Variants in ELK3 observed in about 807,000 individuals in gnomAD.
The protein encoded by ELK3 is ETS transcription factor ELK3.
Under a neutral mutation model 28.9 loss-of-function variants are expected in ELK3, and 10 were observed. That is an observed-to-expected ratio of 0.35 (90% CI 0.21 to 0.59). The LOEUF (loss-of-function observed/expected upper bound fraction) is 0.59. ELK3 is among the 20% of genes least tolerant of loss of function. The probability of loss-of-function intolerance (pLI) is 0.82; values close to 1 mark genes in which losing one functional copy is unlikely to be tolerated. For synonymous variants in ELK3, 272 were observed against 243.5 expected (o/e 1.12, Z -1.09); for missense variants, 463 against 517.3 (o/e 0.90, Z 1.02).
At chr12:96,259,603 T>G in intron 3 of ELK3, 128 bp from the exon 4 acceptor site, 1 of 1,073,668 alleles carries the variant, frequency 9.3e-7, no homozygotes, top group Non-Finnish European at 1.3e-6. Flanking sequence ...ACGTTGCCAG[T>G]TTTCCTGAGA....
intron 1 of ELK3, among the ~76,000 whole-genome samples, chr12:96,201,601 AAGG>A (rs1951508400): frequency 6.7e-6 from 1 of 149,918 alleles, no homozygotes. Flanking sequence ...AAAAAAAAAA[AAGG>A]GATTGAAGTG....
At chr12:96,226,608 G>C (rs141859567) in intron 2 of ELK3, among the ~76,000 whole-genome samples, 1 of 149,750 alleles carries the variant, frequency 6.7e-6, no homozygotes. Context: ...ACACACATAT[G>C]CCCACATGCA....
intron 3 of ELK3, among the ~76,000 whole-genome samples, chr12:96,253,194 A>C (rs1020622026): frequency 6.6e-6 from 1 of 152,224 alleles, no homozygotes; most frequent in Non-Finnish European, 1.5e-5. Context: ...TGGGAGGTGG[A>C]GGTTGTGATG....
intron 4 of ELK3, among the ~76,000 whole-genome samples, chr12:96,266,293 T>C (rs1952028956): frequency 6.6e-6 from 1 of 152,214 alleles, no homozygotes; most frequent in Non-Finnish European, 1.5e-5. Flanking sequence ...GGAAATAAGC[T>C]AGAAAAGACA....
intron 4 of ELK3, among the ~76,000 whole-genome samples, chr12:96,260,310 A>C (rs193242516): frequency 1.3e-5 from 2 of 151,078 alleles, no homozygotes; most frequent in African/African-American, 4.9e-5. Context: ...AAATATTATT[A>C]TTTATAAAAG....
rs1416746905 is a variant in ELK3 at position 96,210,597 on chromosome 12, A to ACACCCC, written c.-2-12967_-2-12966insACCCCC. On this transcript the variant is annotated intron_variant, in intron 1 of 4. Coordinates refer to ENST00000228741, the MANE Select transcript of ELK3 (RefSeq NM_005230.4). The stretch of plus-strand genomic sequence containing the variant: ...CACACACACACACACACACACACAC[A>ACACCCC]CCCCGAGTGGGAGGTCCAGGGGCAC... Among the ~76,000 whole-genome samples the ACACCCC allele has an allele frequency of 1.4e-3, 204 of 149,060 alleles. 1 individual carries two copies. The highest frequency in any genetic ancestry group is 4.6e-3 in the African/African-American group (185 of 40,498).
intron 4 of ELK3, among the ~76,000 whole-genome samples, chr12:96,264,072 G>A (rs572215211): frequency 6.6e-6 from 1 of 152,306 alleles, no homozygotes; most frequent in African/African-American, 2.4e-5. Flanking sequence ...TGCCTCCTGG[G>A]CTCAAGCGAT....
Position 96,210,597 on chromosome 12 carries a change from A to ACCCCCCC in ELK3, c.-2-12964_-2-12963insCCCCCCC, listed in dbSNP as rs1555193042. On this transcript the variant is annotated intron_variant, in intron 1 of 4. Transcript: ENST00000228741. ...CACACACACACACACACACACACACACCCCGAGTGGGAGGTCCAGGGGCAC... is the reference window on the plus strand; with the variant it reads ...CACACACACACACACACACACACACACCCCCCCCCCCGAGTGGGAGGTCCAGGGGCAC... Among the ~76,000 whole-genome samples the ACCCCCCC allele has an allele frequency of 2.6e-3, 382 of 149,018 alleles. 2 individuals are homozygous for ACCCCCCC. Among genetic ancestry groups the ACCCCCCC allele is most frequent in the African/African-American group, 8.7e-3 (353 of 40,464 alleles).
At chr12:96,216,354 C>G (rs1376830939) in intron 1 of ELK3, among the ~76,000 whole-genome samples, 1 of 152,218 alleles carries the variant, frequency 6.6e-6, no homozygotes, top group African/African-American at 2.4e-5. Context: ...AGCATTTAAA[C>G]CAGTGTTTGT....
rs1555193042 is a variant in ELK3, at chr12:96,210,597, A to ACCCCCCCC, written c.-2-12964_-2-12963insCCCCCCCC. On this transcript the variant is annotated intron_variant, in intron 1 of 4. Transcript: ENST00000228741. ...CACACACACACACACACACACACAC[A>ACCCCCCCC]CCCCGAGTGGGAGGTCCAGGGGCAC... 1.5e-3 allele frequency among the ~76,000 whole-genome samples: 221 copies of ACCCCCCCC among 148,956 alleles called. 4 individuals are homozygous for ACCCCCCCC. The highest frequency in any genetic ancestry group is 2.0e-3 in the Non-Finnish European group (133 of 66,966).
At chr12:96,248,740 G>A (rs1336775520) in intron 3 of ELK3, among the ~76,000 whole-genome samples, 4 of 152,150 alleles carry the variant, frequency 2.6e-5, no homozygotes, top group East Asian at 3.9e-4. Flanking sequence ...AGCAGCAGCC[G>A]CGGCAGCATA....
rs1482015545 is a variant in ELK3, at chr12:96,269,616, T to C, written c.*2436T>C. 6.6e-6 allele frequency: 1 copy of C among 152,142 alleles called. No individual in the cohort carries two copies. The allele number at this position is 152,142 out of a possible 1,614,324, so 9.4% of individuals were successfully genotyped here. ...TAGCAGAGGTATTTTACTCAGAAAATAGGTTTCAAAGAACATTAATGACTT... is the reference window on the plus strand; with the variant it reads ...TAGCAGAGGTATTTTACTCAGAAAACAGGTTTCAAAGAACATTAATGACTT... On this transcript the variant is annotated 3_prime_UTR_variant, in exon 5 of 5. Transcript: ENST00000228741.
intron 4 of ELK3, 43 bp from the exon 5 acceptor site, chr12:96,267,039 T>G: frequency 6.5e-7 from 1 of 1,549,278 alleles, no homozygotes; most frequent in Non-Finnish European, 8.8e-7. Context: ...TTCTTCCCAA[T>G]GGATTTGCAA....
At chr12:96,210,191 A>G (rs1310533847) in intron 1 of ELK3, among the ~76,000 whole-genome samples, 3 of 152,192 alleles carry the variant, frequency 2.0e-5, no homozygotes, top group African/African-American at 7.2e-5. Flanking sequence ...TTAAAGCTCA[A>G]ACTGAAAGAC....
intron 2 of ELK3, among the ~76,000 whole-genome samples, chr12:96,244,432 T>C (rs975371091): frequency 6.6e-5 from 10 of 150,548 alleles, no homozygotes; most frequent in Non-Finnish European, 1.0e-4. Flanking sequence ...GTTCCAAACC[T>C]ATAAGAAAAT....
rs183394762 is a variant in ELK3, at chr12:96,227,142, G to A, written c.207+3369G>A. 3.0e-3 allele frequency among the ~76,000 whole-genome samples: 458 copies of A among 152,150 alleles called. 1 individual carries two copies. The highest frequency in any genetic ancestry group is 0.011 in the African/African-American group (446 of 41,514). On this transcript the variant is annotated intron_variant, in intron 2 of 4. Coordinates refer to ENST00000228741, the MANE Select transcript of ELK3 (RefSeq NM_005230.4). Reference sequence around the variant, plus strand: ...ATGCAAAGCCACCTGGGCCACTGCCGTGTGTGCCACCCTGAACTTCAAGCT... The same window carrying A: ...ATGCAAAGCCACCTGGGCCACTGCCATGTGTGCCACCCTGAACTTCAAGCT...
rs142772814 is a variant in ELK3, at chr12:96,212,109, G to A, written c.-2-11456G>A. 2.0e-5 allele frequency among the ~76,000 whole-genome samples: 3 copies of A among 152,322 alleles called. No individual in the cohort carries two copies. In the East Asian group the frequency reaches 5.8e-4, roughly 29 times the overall value. On this transcript the variant is annotated intron_variant, in intron 1 of 4. Transcript: ENST00000228741. ...AGGTTAAAACAGAGCTAAAACACAAGACAAAATGAAACCAGAGCTGCAGTG... is the reference window on the plus strand; with the variant it reads ...AGGTTAAAACAGAGCTAAAACACAAAACAAAATGAAACCAGAGCTGCAGTG...
At chr12:96,212,831 T>A (rs1288769318) in intron 1 of ELK3, 2 of 152,080 alleles carry the variant, frequency 1.3e-5, no homozygotes, top group Non-Finnish European at 2.9e-5. Context: ...AAGATCACAC[T>A]GGAGAAGGGA....
intron 1 of ELK3, among the ~76,000 whole-genome samples, chr12:96,209,188 C>T (rs767539549): frequency 1.3e-5 from 2 of 151,936 alleles, no homozygotes; most frequent in Non-Finnish European, 2.9e-5. Flanking sequence ...GCCATCGATG[C>T]AAAAAGAGTT....
Sources: gnomAD v4.1 joint callset for allele counts (sites outside exome capture counted in the v4.1 genomes callset) on GRCh38, gnomAD v4.1.1 for gene constraint, MANE v1.5 for transcripts, NCBI Gene and HGNC (gene_info 2026-07-23, HGNC 2026-07-21) for gene names.